Variants in FNDC3B observed in about 807,000 individuals in gnomAD.
FNDC3B encodes the protein fibronectin type III domain-containing protein 3B.
Under a neutral mutation model 151.5 loss-of-function variants are expected in FNDC3B, and 12 were observed. That is an observed-to-expected ratio of 0.08 (90% CI 0.05 to 0.13). The LOEUF (loss-of-function observed/expected upper bound fraction) is 0.13, where lower values mean the gene tolerates loss of function less well. FNDC3B is among the 10% of genes least tolerant of loss of function. The pLI, the probability that FNDC3B is intolerant of heterozygous loss-of-function variation, is 1.00. For missense variants in FNDC3B, 1,214 were observed against 1,505.3 expected, an observed-to-expected ratio of 0.81 and a Z score of 3.20; for synonymous variants, 528 against 549.0, an observed-to-expected ratio of 0.96 and a Z score of 0.54.
chr3:172,268,922 T>C (rs1344300041), intron 6 of FNDC3B, among the ~76,000 whole-genome samples: 2 of 152,234 alleles, frequency 1.3e-5, no homozygotes, highest in Non-Finnish European at 2.9e-5. Context: ...ATAAAGGACT[T>C]TGGGAAAAAC....
intron 1 of FNDC3B, among the ~76,000 whole-genome samples, chr3:172,081,089 A>T (rs1475181737): frequency 1.3e-5 from 2 of 152,212 alleles, no homozygotes; most frequent in African/African-American, 2.4e-5. Flanking sequence ...TTTCCCTAAG[A>T]TTCATCTATT....
At chr3:172,069,223 G>A (rs1717650761) in intron 1 of FNDC3B, among the ~76,000 whole-genome samples, 1 of 152,130 alleles carries the variant, frequency 6.6e-6, no homozygotes, top group African/African-American at 2.4e-5. Context: ...CCTGTGGGAG[G>A]GTGAGGGCAT....
intron 1 of FNDC3B, among the ~76,000 whole-genome samples, chr3:172,075,540 G>T (rs544892823): frequency 6.6e-6 from 1 of 151,980 alleles, no homozygotes; most frequent in African/African-American, 2.4e-5. Context: ...AGGCTCCTTG[G>T]CAGTGGATAT....
intron 25 of FNDC3B, among the ~76,000 whole-genome samples, chr3:172,395,952 C>T (rs980336293): frequency 6.6e-6 from 1 of 152,150 alleles, no homozygotes; most frequent in Non-Finnish European, 1.5e-5. Context: ...CTCAGACTCT[C>T]GTGCGCAAAG....
intron 14 of FNDC3B, 145 bp from the exon 15 acceptor site, chr3:172,334,799 C>T (rs1397794183): frequency 1.5e-6 from 1 of 659,574 alleles, no homozygotes; most frequent in Non-Finnish European, 2.6e-6. Flanking sequence ...AAAATAAATA[C>T]TGTTAATACT....
At chr3:172,305,581 C>T (rs1342210318) in intron 9 of FNDC3B, among the ~76,000 whole-genome samples, 1 of 152,158 alleles carries the variant, frequency 6.6e-6, no homozygotes, top group Non-Finnish European at 1.5e-5. Context: ...TGACATAGTC[C>T]TTTATTAGGA....
intron 1 of FNDC3B, among the ~76,000 whole-genome samples, chr3:172,087,368 C>A (rs1283415424): frequency 6.6e-6 from 1 of 152,086 alleles, no homozygotes; most frequent in Non-Finnish European, 1.5e-5. Context: ...GGACTTCTCA[C>A]ATAGAGGCTG....
chr3:172,285,450 C>T (rs189318134), intron 6 of FNDC3B, among the ~76,000 whole-genome samples: 7 of 152,236 alleles, frequency 4.6e-5, no homozygotes, highest in East Asian at 3.9e-4. Flanking sequence ...GGCTGCCCGT[C>T]GAACGTAAAC....
intron 4 of FNDC3B, among the ~76,000 whole-genome samples, chr3:172,246,165 G>A (rs536342632): frequency 6.6e-6 from 1 of 151,876 alleles, no homozygotes; most frequent in African/African-American, 2.4e-5. Flanking sequence ...AATATAGAAG[G>A]TCAGTTTTGT....
chr3:172,342,905 CT>C, intron 17 of FNDC3B, 105 bp from the exon 18 acceptor site: 1 of 690,210 alleles, frequency 1.4e-6, no homozygotes, highest in Non-Finnish European at 2.7e-6. Flanking sequence ...TGTGTAACCC[CT>C]TTTCGGTAAC....
At chr3:172,068,876 C>T (rs1680480180) in intron 1 of FNDC3B, among the ~76,000 whole-genome samples, 1 of 152,108 alleles carries the variant, frequency 6.6e-6, no homozygotes, top group African/African-American at 2.4e-5. Flanking sequence ...GAATTAGGTG[C>T]TTTATTTTAT....
At position 172,177,626 on chromosome 3, in the gene FNDC3B, C is replaced by CTTTTTTTTTTTTTTTTTTT. The variant is rs10684671; in HGVS notation, c.187+44083_187+44101dup. ...AGGAAGGAATCATTTTTACCACCAT[C>CTTTTTTTTTTTTTTTTTTT]TTTTTTTTTTTTTTTTTTTTTGCAC... On this transcript the variant is annotated intron_variant, in intron 3 of 25. Transcript: ENST00000415807. Among the ~76,000 whole-genome samples the CTTTTTTTTTTTTTTTTTTT allele has an allele frequency of 5.0e-3, 428 of 84,808 alleles. 33 individuals carry two copies. The highest frequency in any genetic ancestry group is 9.3e-3 in the African/African-American group (190 of 20,504). The allele number at this position is 84,808 out of a possible 152,430, so 55.6% of individuals were successfully genotyped here.
chr3:172,359,541 G>C (rs1576944778), intron 22 of FNDC3B, among the ~76,000 whole-genome samples: 2 of 152,140 alleles, frequency 1.3e-5, no homozygotes, highest in East Asian at 3.8e-4. Context: ...CACTGTTGAA[G>C]AAAGACTAAA....
At chr3:172,292,920 C>T (rs73167263) in intron 7 of FNDC3B, among the ~76,000 whole-genome samples, 24 of 152,216 alleles carry the variant, frequency 1.6e-4, no homozygotes, top group Non-Finnish European at 2.5e-4. Context: ...GGAATATGCA[C>T]CAAATGCAGG....
intron 3 of FNDC3B, among the ~76,000 whole-genome samples, chr3:172,154,925 G>C (rs929007525): frequency 3.3e-5 from 5 of 152,150 alleles, no homozygotes; most frequent in African/African-American, 9.6e-5. Context: ...ACAAGTCGGG[G>C]GCTGGTGATG....
At chr3:172,216,714 G>A (rs1725995034) in intron 3 of FNDC3B, among the ~76,000 whole-genome samples, 1 of 152,168 alleles carries the variant, frequency 6.6e-6, no homozygotes, top group East Asian at 1.9e-4. Flanking sequence ...AATCCTGAAT[G>A]TTGTTTATTT....
chr3:172,127,775 C>T (rs1019245937), intron 2 of FNDC3B, among the ~76,000 whole-genome samples: 1 of 152,170 alleles, frequency 6.6e-6, no homozygotes, highest in Non-Finnish European at 1.5e-5. Context: ...AAGCGATTCT[C>T]ATGCCTCAGC....
At chr3:172,134,986 C>T (rs1721289840) in intron 3 of FNDC3B, among the ~76,000 whole-genome samples, 1 of 147,036 alleles carries the variant, frequency 6.8e-6, no homozygotes, top group Non-Finnish European at 1.5e-5. Context: ...AACCCTGTAT[C>T]TTAAAAAAAA....
At chr3:172,219,455 CA>C (rs1726160377) in intron 3 of FNDC3B, among the ~76,000 whole-genome samples, 1 of 152,120 alleles carries the variant, frequency 6.6e-6, no homozygotes, top group Non-Finnish European at 1.5e-5. Context: ...CATAATTTTT[CA>C]ATTCTTTTTT....
Sources: allele counts gnomAD v4.1 joint callset (sites outside exome capture counted in the v4.1 genomes callset), GRCh38; gene constraint gnomAD v4.1.1; transcripts MANE v1.5; gene names NCBI Gene and HGNC (gene_info 2026-07-23, HGNC 2026-07-21).